Variants in DNAH3 observed in about 807,000 individuals in gnomAD.
DNAH3 encodes the protein dynein axonemal heavy chain 3, also known as axonemal beta dynein heavy chain 3.
In DNAH3, 332 loss-of-function variants were observed where a neutral mutation model predicts 432.5. The ratio of observed to expected loss-of-function variants is 0.77; its 90% confidence interval spans 0.70 to 0.84. The LOEUF is 0.84. DNAH3 is among the 40% of genes least tolerant of loss of function. The probability of loss-of-function intolerance (pLI) is 0.00; values close to 1 mark genes in which losing one functional copy is unlikely to be tolerated. For synonymous variants in DNAH3, 1,956 were observed against 1,900.2 expected, an observed-to-expected ratio of 1.03 and a Z score of -0.76; for missense variants, 4,861 against 5,114.0, an observed-to-expected ratio of 0.95 and a Z score of 1.51.
chr16:21,111,206 G>A (rs762339544), intron 14 of DNAH3, among the ~76,000 whole-genome samples: 3 of 152,248 alleles, frequency 2.0e-5, no homozygotes, highest in South Asian at 2.1e-4. Context: ...CAGAATTCCC[G>A]GACCTATACA....
chr16:21,060,486 A>T, intron 25 of DNAH3, 130 bp from the exon 26 acceptor site: 1 of 623,746 alleles, frequency 1.6e-6, no homozygotes, highest in South Asian at 2.1e-5. Flanking sequence ...TTTCAAGTCA[A>T]TATTCTCTGT....
exon 19 of DNAH3, chr16:21,087,057 G>A: frequency 6.2e-7 from 1 of 1,613,188 alleles, no homozygotes; most frequent in Non-Finnish European, 8.5e-7. Context: ...TAAGAAGAGG[G>A]GTCCTGAAAT....
At position 21,103,179 on chromosome 16, in the gene DNAH3, G is replaced by T. The variant is rs563780005; in HGVS notation, c.2366+1292C>A. Among the ~76,000 whole-genome samples, 7 of 152,148 alleles carry T rather than the reference G, an allele frequency of 4.6e-5. 1 individual carries two copies. In the South Asian group the frequency reaches 1.5e-3, roughly 32 times the overall value. ...GGGACTCCAGGGAAAGGGTAGGAGG[G>T]GGGTGAGGGATACAAGACTACAAAT... is the stretch of plus-strand genomic sequence containing the variant. On this transcript the variant is annotated intron_variant, in intron 16 of 61. Transcript: ENST00000261383.
At position 20,933,402 on chromosome 16, in the gene DNAH3, C is replaced by T. The variant is rs2083478057; in HGVS notation, c.12103G>A (p.Gly4035Arg). Residue 4035 changes from glycine (G) to arginine (R), a missense_variant, in exon 62 of 62, where the codon GGG becomes AGG. Transcript: ENST00000261383. The stretch of plus-strand genomic sequence containing the variant: ...TAGAGGATTTTGGGGAGAGATTCCC[C>T]AATCTGCATCGTTTTCCTGTCCCAA... 7 of 1,614,178 alleles carry T rather than the reference C, an allele frequency of 4.3e-6. No homozygotes were observed. The East Asian group carries it at 1.3e-4, about 31-fold the overall frequency.
chr16:20,941,628 G>A (rs990248829), intron 58 of DNAH3, 85 bp from the exon 59 acceptor site: 3 of 1,509,052 alleles, frequency 2.0e-6, no homozygotes, highest in Non-Finnish European at 2.7e-6. Context: ...CTGAGCATCT[G>A]ACTTTTCAAA....
chr16:21,120,747 T>C, exon 11 of DNAH3: 2 of 1,613,154 alleles, frequency 1.2e-6, no homozygotes, highest in Non-Finnish European at 1.7e-6. Flanking sequence ...TACCTGCCAT[T>C]GCAGTGGCAG....
intron 14 of DNAH3, among the ~76,000 whole-genome samples, chr16:21,109,894 A>G (rs936101175): frequency 1.3e-5 from 2 of 151,950 alleles, no homozygotes; most frequent in Non-Finnish European, 2.9e-5. Context: ...ACATGCCACT[A>G]TGCCTGGCTA....
chr16:21,141,349 T>C, exon 4 of DNAH3: 1 of 1,590,536 alleles, frequency 6.3e-7, no homozygotes, highest in Non-Finnish European at 8.6e-7. Flanking sequence ...TTTTTCCTCA[T>C]GGGCTCTGAT....
intron 31 of DNAH3, 82 bp downstream of exon 31, chr16:21,049,487 C>T: frequency 9.5e-7 from 1 of 1,055,720 alleles, no homozygotes; most frequent in Non-Finnish European, 1.4e-6. Flanking sequence ...GATATAAGGC[C>T]CTGTTATTAA....
At chr16:20,989,848 G>A (rs1597076605) in intron 44 of DNAH3, among the ~76,000 whole-genome samples, 1 of 152,220 alleles carries the variant, frequency 6.6e-6, no homozygotes, top group Admixed American at 6.5e-5. Flanking sequence ...TGGCACTGCT[G>A]GGGGACCCAG....
intron 54 of DNAH3, among the ~76,000 whole-genome samples, chr16:20,955,705 CT>C (rs1469663381): frequency 2.6e-5 from 4 of 152,032 alleles, no homozygotes; most frequent in African/African-American, 9.7e-5. Flanking sequence ...AAAAAGTTTG[CT>C]GATGCCTGTC....
chr16:21,059,076 T>TTAATAATA (rs2090246953), intron 26 of DNAH3, among the ~76,000 whole-genome samples: 1 of 152,208 alleles, frequency 6.6e-6, no homozygotes, highest in South Asian at 2.1e-4. Flanking sequence ...GTCTGATGCT[T>TTAATAATA]TTGTGCCACA....
intron 32 of DNAH3, 69 bp downstream of exon 32, chr16:21,041,958 C>G (rs2089462534): frequency 6.3e-7 from 1 of 1,575,702 alleles, no homozygotes; most frequent in Admixed American, 1.7e-5. Context: ...TAGGTGTGAG[C>G]CGCCACACCC....
At chr16:21,123,526 TA>T (rs907269992) in intron 9 of DNAH3, among the ~76,000 whole-genome samples, 1 of 152,220 alleles carries the variant, frequency 6.6e-6, no homozygotes. Flanking sequence ...ATGACATTTA[TA>T]GATTGGTCTT....
At chr16:20,987,885 G>T in intron 45 of DNAH3, 36 bp from the exon 46 acceptor site, 1 of 1,613,928 alleles carries the variant, frequency 6.2e-7, no homozygotes, top group Non-Finnish European at 8.5e-7. Context: ...AGTCAAGGAG[G>T]GGCCAGAAAC....
intron 31 of DNAH3, among the ~76,000 whole-genome samples, chr16:21,049,127 G>T (rs2089847172): frequency 6.6e-6 from 1 of 151,742 alleles, no homozygotes; most frequent in African/African-American, 2.4e-5. Flanking sequence ...TTGAATAGCT[G>T]AGGCTATTTT....
At chr16:21,136,995 G>A (rs151308040) in intron 5 of DNAH3, among the ~76,000 whole-genome samples, 10 of 152,156 alleles carry the variant, frequency 6.6e-5, no homozygotes, top group African/African-American at 1.7e-4. Context: ...TTAGCCGGGC[G>A]TGGTGGCGCA....
chr16:21,067,109 G>A (rs858211), intron 24 of DNAH3, among the ~76,000 whole-genome samples, 174 bp downstream of exon 24: 36,734 of 151,970 alleles, frequency 0.24, 4,678 homozygotes, highest in East Asian at 0.46. Flanking sequence ...TCAACCTCAC[G>A]CTAAGTAAAG....
chr16:21,084,188 C>A (rs2091289137), intron 19 of DNAH3, among the ~76,000 whole-genome samples: 1 of 152,136 alleles, frequency 6.6e-6, no homozygotes, highest in African/African-American at 2.4e-5. Context: ...ATCTCCACTT[C>A]AAAGGCCTGT....
Sources: gnomAD v4.1 joint callset for allele counts (sites outside exome capture counted in the v4.1 genomes callset) on GRCh38, gnomAD v4.1.1 for gene constraint, MANE v1.5 for transcripts, NCBI Gene and HGNC (gene_info 2026-07-23, HGNC 2026-07-21) for gene names.